The following CCDC69 variants were observed in gnomAD, a reference collection of about 807,000 sequenced individuals.
CCDC69 encodes coiled-coil domain containing 69.
CCDC69 carries 38 observed loss-of-function variants against 40.3 expected under a neutral mutation model. That is an observed-to-expected ratio of 0.94 (90% CI 0.73 to 1.24). CCDC69 has a LOEUF of 1.24. Among genes scored for constraint, CCDC69 ranks in the 50% most tolerant of loss-of-function variants. The pLI, the probability that CCDC69 is intolerant of heterozygous loss-of-function variation, is 0.00. For synonymous variants in CCDC69, 141 were observed against 138.9 expected, an observed-to-expected ratio of 1.02 and a Z score of -0.11; for missense variants, 389 against 357.9, an observed-to-expected ratio of 1.09 and a Z score of -0.70.
chr5:151,219,548 T>C (rs1003547013), intron 1 of CCDC69, among the ~76,000 whole-genome samples: 1 of 152,276 alleles, frequency 6.6e-6, no homozygotes, highest in East Asian at 1.9e-4. Context: ...CGTGTTTCCA[T>C]GGACTACTTA....
At chr5:151,216,995 G>A (rs1431691438) in intron 1 of CCDC69, among the ~76,000 whole-genome samples, 1 of 152,022 alleles carries the variant, frequency 6.6e-6, no homozygotes. Flanking sequence ...ACAGCCAGAT[G>A]GAAGGACTAC....
chr5:151,217,158 C>A (rs1753056777), intron 1 of CCDC69, among the ~76,000 whole-genome samples: 1 of 152,132 alleles, frequency 6.6e-6, no homozygotes, highest in South Asian at 2.1e-4. Context: ...ATGCACCTAA[C>A]AAAATATCAT....
chr5:151,202,477 T>C (rs192175307), intron 2 of CCDC69, among the ~76,000 whole-genome samples: 1 of 152,384 alleles, frequency 6.6e-6, no homozygotes, highest in African/African-American at 2.4e-5. Context: ...ACTGGCAATG[T>C]ATGCCTTCAT....
chr5:151,187,827 C>T (rs1429277138), intron 4 of CCDC69, among the ~76,000 whole-genome samples: 1 of 152,154 alleles, frequency 6.6e-6, no homozygotes, highest in Non-Finnish European at 1.5e-5. Context: ...ACTGGATTAG[C>T]GAAATCACAA....
chr5:151,220,106 G>T (rs1337279086), intron 1 of CCDC69, among the ~76,000 whole-genome samples: 1 of 152,104 alleles, frequency 6.6e-6, no homozygotes, highest in Non-Finnish European at 1.5e-5. Context: ...CACCCTGCCC[G>T]CGTCAACCTT....
chr5:151,185,671 A>G, intron 6 of CCDC69, 130 bp from the exon 7 acceptor site: 1 of 891,712 alleles, frequency 1.1e-6, no homozygotes. Context: ...AGTGTTTAAT[A>G]TGCTTTATCT....
At chr5:151,216,405 G>GGTTTT (rs1561605577) in intron 1 of CCDC69, among the ~76,000 whole-genome samples, 1 of 146,854 alleles carries the variant, frequency 6.8e-6, no homozygotes, top group African/African-American at 2.6e-5. Flanking sequence ...AAATTATTAG[G>GGTTTT]ATTTTTTTTT....
intron 3 of CCDC69, 63 bp downstream of exon 3, chr5:151,201,519 T>C: frequency 1.8e-6 from 2 of 1,122,246 alleles, no homozygotes; most frequent in Non-Finnish European, 2.7e-6. Context: ...AGGCACTCAC[T>C]CTGGGATTCA....
At chr5:151,200,965 TCA>T (rs146633448) in intron 3 of CCDC69, among the ~76,000 whole-genome samples, 1,681 of 152,344 alleles carry the variant, frequency 0.011, 33 homozygotes, top group African/African-American at 0.039. Flanking sequence ...ATGTCCCATC[TCA>T]GTCATATAAG....
In CCDC69 at chr5:151,201,582, C is replaced by T. The variant is rs781450440; in HGVS notation, c.231G>A (p.Gln77=). The T allele has an allele frequency of 1.2e-6, 2 of 1,606,410 alleles. No homozygotes were observed. The highest frequency in any genetic ancestry group is 3.3e-5 in the Admixed American group (2 of 59,832). ...HEEEKKKWAQ[Q]VEKERELELR... Reference sequence around the variant, plus strand: ...AGGGGGTGGGGGCACCTGGACTTACCTGTTGTGCCCATTTCTTCTTTTCCT... The same window carrying T: ...AGGGGGTGGGGGCACCTGGACTTACTTGTTGTGCCCATTTCTTCTTTTCCT... Residue 77 remains glutamine, a splice_region_variant and synonymous_variant, in exon 3 of 9, where the codon CAG becomes CAA. Coordinates refer to ENST00000355417, the MANE Select transcript of CCDC69 (RefSeq NM_015621.3).
chr5:151,187,218 A>G (rs993267917), intron 5 of CCDC69, among the ~76,000 whole-genome samples, 168 bp downstream of exon 5: 13 of 152,350 alleles, frequency 8.5e-5, no homozygotes, highest in African/African-American at 3.1e-4. Context: ...TCTTGAGCTA[A>G]TAGCCTGGTT....
chr5:151,187,340 C>T (rs367923607), intron 5 of CCDC69, 46 bp downstream of exon 5: 20 of 1,559,836 alleles, frequency 1.3e-5, no homozygotes, highest in Non-Finnish European at 1.7e-5. Context: ...TCCCATTGGT[C>T]CTCACTTACC....
At chr5:151,218,403 G>A (rs546331023) in intron 1 of CCDC69, among the ~76,000 whole-genome samples, 2 of 152,348 alleles carry the variant, frequency 1.3e-5, no homozygotes, top group South Asian at 4.1e-4. Flanking sequence ...AGGACCGAGT[G>A]CCAGCCGTGT....
intron 3 of CCDC69, among the ~76,000 whole-genome samples, chr5:151,200,891 T>A (rs535630650): frequency 6.6e-6 from 1 of 152,370 alleles, no homozygotes; most frequent in East Asian, 1.9e-4. Context: ...TTCACGGCAC[T>A]GTAAACTTTT....
In CCDC69 at chr5:151,181,631, T is replaced by C; in HGVS notation, c.*1806A>G. On this transcript the variant is annotated 3_prime_UTR_variant, in exon 9 of 9. Coordinates refer to ENST00000355417, the MANE Select transcript of CCDC69 (RefSeq NM_015621.3). ...GTTTGGGAGAGGCTGGATACTTAGCTCCCTTCTTGTAAGTTTGCCACACAC... is the reference window on the plus strand; with the variant it reads ...GTTTGGGAGAGGCTGGATACTTAGCCCCCTTCTTGTAAGTTTGCCACACAC... The C allele has an allele frequency of 6.6e-6, 1 of 152,234 alleles. No homozygotes were observed. Among genetic ancestry groups the C allele is most frequent in the Non-Finnish European group, 1.5e-5 (1 of 68,064 alleles). 9.4% of individuals were successfully genotyped at this position (152,234 alleles called of 1,614,324 possible).
intron 1 of CCDC69, among the ~76,000 whole-genome samples, chr5:151,221,117 C>A (rs931958135): frequency 6.6e-6 from 1 of 152,154 alleles, no homozygotes; most frequent in Non-Finnish European, 1.5e-5. Flanking sequence ...CCAGGCCAGG[C>A]CTCTCAGGGT....
chr5:151,197,441 T>C (rs1194309007), intron 4 of CCDC69, among the ~76,000 whole-genome samples: 1 of 152,128 alleles, frequency 6.6e-6, no homozygotes, highest in Non-Finnish European at 1.5e-5. Context: ...AAGGACTGCT[T>C]GAGCCCAAGA....
In CCDC69 at chr5:151,214,533, CT is replaced by C. The variant is rs577691670; in HGVS notation, c.49-9059del. Among the ~76,000 whole-genome samples, 11 of 152,332 alleles carry C rather than the reference CT, an allele frequency of 7.2e-5. No individual in the cohort carries two copies. The South Asian group carries it at 2.3e-3, about 32-fold the overall frequency. On this transcript the variant is annotated intron_variant, in intron 1 of 8. Transcript: ENST00000355417. ...ATGCCTGAATTTGATGTCATTGAAA[CT>C]CAAACACTGCCAGGGACATTAAAGA...
chr5:151,182,837 A>AC lies in CCDC69; in HGVS notation c.*599dup. The AC allele has an allele frequency of 2.9e-6, 1 of 349,756 alleles. No individual in the cohort carries two copies. Among genetic ancestry groups the AC allele is most frequent in the South Asian group, 2.1e-5 (1 of 47,030 alleles). The allele number at this position is 349,756 out of a possible 1,614,324, so 21.7% of individuals were successfully genotyped here. ...CTGTCAGCCCCAAGGGCCTTCAGAG[A>AC]CCCCCTCTCTACCACTCACCTTCCC... On this transcript the variant is annotated 3_prime_UTR_variant, in exon 9 of 9. Transcript: ENST00000355417.
Sources: allele counts gnomAD v4.1 joint callset (sites outside exome capture counted in the v4.1 genomes callset), GRCh38; gene constraint gnomAD v4.1.1; transcripts MANE v1.5; gene names NCBI Gene and HGNC (gene_info 2026-07-23, HGNC 2026-07-21).